MEIS2: variants seen among roughly 807,000 people sequenced by gnomAD.
MEIS2 encodes homeobox protein Meis2.
A neutral mutation model predicts 58.6 loss-of-function variants in MEIS2; 9 were observed. That is an observed-to-expected ratio of 0.15 (90% CI 0.09 to 0.27). The LOEUF is 0.27. Among genes scored for constraint, MEIS2 ranks in the 10% least tolerant of loss-of-function variants. The pLI is 1.00. For synonymous variants in MEIS2, 221 were observed against 228.4 expected (o/e 0.97, Z 0.29); for missense variants, 427 against 635.0 (o/e 0.67, Z 3.52).
chr15:36,997,615 G>A (rs1174844886), intron 8 of MEIS2, among the ~76,000 whole-genome samples: 1 of 151,728 alleles, frequency 6.6e-6, no homozygotes, highest in East Asian at 1.9e-4. Context: ...GAGTAGCTGG[G>A]ACTACAGGCA....
chr15:37,032,269 G>C (rs1486537753), intron 8 of MEIS2, among the ~76,000 whole-genome samples: 1 of 152,124 alleles, frequency 6.6e-6, no homozygotes, highest in Admixed American at 6.5e-5. Flanking sequence ...CCTGTTTCTA[G>C]TCCATGATCA....
At chr15:37,006,815 T>A (rs572578037) in intron 8 of MEIS2, among the ~76,000 whole-genome samples, 4 of 152,248 alleles carry the variant, frequency 2.6e-5, no homozygotes, top group African/African-American at 9.6e-5. Context: ...GCCATTCTGT[T>A]GTAGCTTCAT....
At position 37,058,469 on chromosome 15, in the gene MEIS2, A is replaced by T. The variant is rs553699244; in HGVS notation, c.755-21510T>A. On this transcript the variant is annotated intron_variant, in intron 7 of 11. Coordinates refer to ENST00000561208, the MANE Select transcript of MEIS2 (RefSeq NM_170675.5). ...TGTTTTCAACGTTCTCTCCTGGGCC[A>T]GGGCTGAGAGTACATTCCCACCTTC... 5.5e-4 allele frequency among the ~76,000 whole-genome samples: 84 copies of T among 152,318 alleles called. 1 individual carries two copies. The highest frequency in any genetic ancestry group is 1.7e-3 in the African/African-American group (70 of 41,580).
rs184227279 is a variant in MEIS2 at position 36,923,146 on chromosome 15, G to A, written c.978-26460C>T. On this transcript the variant is annotated intron_variant, in intron 9 of 11. Coordinates refer to ENST00000561208, the MANE Select transcript of MEIS2 (RefSeq NM_170675.5). ...ACAAGCTGCACACACAATACAAAATGCGCTTAATTTCTGGAGGGCACAAAA... is the reference window on the plus strand; with the variant it reads ...ACAAGCTGCACACACAATACAAAATACGCTTAATTTCTGGAGGGCACAAAA... 4.4e-4 allele frequency among the ~76,000 whole-genome samples: 67 copies of A among 152,230 alleles called. 1 individual carries two copies. Among genetic ancestry groups the A allele is most frequent in the Admixed American group, 3.4e-3 (52 of 15,290 alleles).
At chr15:36,922,322 T>C (rs535940459) in intron 9 of MEIS2, among the ~76,000 whole-genome samples, 1 of 152,286 alleles carries the variant, frequency 6.6e-6, no homozygotes, top group African/African-American at 2.4e-5. Flanking sequence ...TGAGACAGCA[T>C]ATATAAAAGT....
chr15:36,974,301 A>AT (rs909907794), intron 8 of MEIS2, among the ~76,000 whole-genome samples: 2 of 152,068 alleles, frequency 1.3e-5, no homozygotes, highest in Non-Finnish European at 2.9e-5. Flanking sequence ...TAGTTCGTTT[A>AT]TTTTTTCTTT....
intron 8 of MEIS2, among the ~76,000 whole-genome samples, chr15:36,964,040 A>C (rs550430496): frequency 2.0e-5 from 3 of 152,368 alleles, no homozygotes; most frequent in African/African-American, 7.2e-5. Context: ...AAGTAAATGC[A>C]AATTGAAATA....
At chr15:36,931,895 TAAAC>T (rs1351146392) in intron 9 of MEIS2, among the ~76,000 whole-genome samples, 1 of 152,190 alleles carries the variant, frequency 6.6e-6, no homozygotes, top group African/African-American at 2.4e-5. Flanking sequence ...GGCGGACAGA[TAAAC>T]AAATTAATAG....
chr15:37,066,880 GGGATCCTCCTGCCTC>G (rs1890009878), intron 7 of MEIS2, among the ~76,000 whole-genome samples: 1 of 151,932 alleles, frequency 6.6e-6, no homozygotes, highest in Non-Finnish European at 1.5e-5. Flanking sequence ...GGTTGATCAA[GGGATCCTCCTGCCTC>G]AGTCTCCTGA....
intron 7 of MEIS2, among the ~76,000 whole-genome samples, chr15:37,054,815 C>G (rs1025675013): frequency 6.6e-6 from 1 of 152,204 alleles, no homozygotes; most frequent in African/African-American, 2.4e-5. Context: ...CAAATTTCAA[C>G]AGCAGTAATT....
intron 9 of MEIS2, among the ~76,000 whole-genome samples, chr15:36,922,412 T>TG (rs1269964258): frequency 2.0e-5 from 3 of 151,808 alleles, no homozygotes; most frequent in South Asian, 2.1e-4. Context: ...AAAGGTTTTT[T>TG]TGTGTGTGTG....
Position 36,891,968 on chromosome 15 carries a change from A to G in MEIS2, c.*205T>C, listed in dbSNP as rs2055882588. The G allele has an allele frequency of 6.5e-6, 4 of 614,496 alleles. No homozygotes were observed. Among genetic ancestry groups the G allele is most frequent in the East Asian group, 2.7e-5 (1 of 36,590 alleles). The allele number at this position is 614,496 out of a possible 1,614,324, so 38.1% of individuals were successfully genotyped here. ...GAGTCTTTTTCCAGAGGATCTTTACATGGACAGAATTGTCTCAGTCAGCCC... is the reference window on the plus strand; with the variant it reads ...GAGTCTTTTTCCAGAGGATCTTTACGTGGACAGAATTGTCTCAGTCAGCCC... On this transcript the variant is annotated 3_prime_UTR_variant, in exon 12 of 12. Coordinates refer to ENST00000561208, the MANE Select transcript of MEIS2 (RefSeq NM_170675.5).
chr15:36,977,708 G>A (rs1214836336), intron 8 of MEIS2, among the ~76,000 whole-genome samples: 2 of 152,176 alleles, frequency 1.3e-5, no homozygotes, highest in African/African-American at 4.8e-5. Context: ...CAGAAAGCAG[G>A]AGCCTTTTAT....
At chr15:36,976,922 G>A (rs370433786) in intron 8 of MEIS2, among the ~76,000 whole-genome samples, 7 of 152,232 alleles carry the variant, frequency 4.6e-5, no homozygotes, top group African/African-American at 1.7e-4. Context: ...TCGGGAGTTC[G>A]AGACCAGCCT....
intron 7 of MEIS2, among the ~76,000 whole-genome samples, chr15:37,048,863 G>C (rs901528541): frequency 6.6e-6 from 1 of 152,070 alleles, no homozygotes; most frequent in Non-Finnish European, 1.5e-5. Flanking sequence ...ACTGGTTTTA[G>C]GTGAATACTT....
chr15:37,040,165 A>T (rs2062361079), intron 7 of MEIS2, among the ~76,000 whole-genome samples: 1 of 152,032 alleles, frequency 6.6e-6, no homozygotes, highest in Non-Finnish European at 1.5e-5. Flanking sequence ...TGAAAAAGGT[A>T]TGTATACCAG....
chr15:36,917,491 T>C (rs1567049095), intron 9 of MEIS2, among the ~76,000 whole-genome samples: 1 of 152,210 alleles, frequency 6.6e-6, no homozygotes, highest in African/African-American at 2.4e-5. Context: ...GCTAATTTTC[T>C]CATTCATCAG....
At chr15:37,060,186 C>T (rs1183644421) in intron 7 of MEIS2, among the ~76,000 whole-genome samples, 1 of 152,098 alleles carries the variant, frequency 6.6e-6, no homozygotes, top group East Asian at 1.9e-4. Flanking sequence ...AGTGATTCTC[C>T]CATCTCAGCC....
chr15:37,017,191 G>A (rs187813176), intron 8 of MEIS2, among the ~76,000 whole-genome samples: 45 of 152,214 alleles, frequency 3.0e-4, no homozygotes, highest in African/African-American at 9.2e-4. Context: ...TCAAACACGA[G>A]TGACACATAG....
Sources: allele counts gnomAD v4.1 joint callset (sites outside exome capture counted in the v4.1 genomes callset), GRCh38; gene constraint gnomAD v4.1.1; transcripts MANE v1.5; gene names NCBI Gene and HGNC (gene_info 2026-07-23, HGNC 2026-07-21).